Variants in FRMD4A observed in about 807,000 individuals in gnomAD.
The protein encoded by FRMD4A is FERM domain containing 4A, also known as FERM domain-containing protein 4A.
A neutral mutation model predicts 129.1 loss-of-function variants in FRMD4A; 29 were observed. That is an observed-to-expected ratio of 0.22 (90% CI 0.17 to 0.31). FRMD4A has a LOEUF of 0.31. Ranked by LOEUF, FRMD4A falls within the 10% of genes least tolerant of loss-of-function variation. The pLI is 1.00. For synonymous variants in FRMD4A, 634 were observed against 571.6 expected (o/e 1.11, Z -1.56); for missense variants, 1,272 against 1,375.8 (o/e 0.92, Z 1.19).
chr10:13,902,440 G>C (rs2094830043), intron 2 of FRMD4A, among the ~76,000 whole-genome samples: 1 of 128,978 alleles, frequency 7.8e-6, no homozygotes. Flanking sequence ...GGAAATTGAT[G>C]GTTAGGCAAA....
intron 2 of FRMD4A, among the ~76,000 whole-genome samples, chr10:13,982,459 A>G (rs1196990893): frequency 9.6e-6 from 1 of 103,630 alleles, no homozygotes; most frequent in Non-Finnish European, 1.9e-5. Context: ...CTTCAGCCTG[A>G]GAAGGGAAGG....
In FRMD4A at chr10:13,899,931, C is replaced by T. The variant is rs557372821; in HGVS notation, c.46-41019G>A. ...CGTTCCATCAGTTCCTAACCTGCAC[C>T]ATATGGACATAGCTTTACATTCCAT... is the stretch of plus-strand genomic sequence containing the variant. On this transcript the variant is annotated intron_variant, in intron 2 of 24. Coordinates refer to ENST00000357447, the MANE Select transcript of FRMD4A (RefSeq NM_018027.5). 8.5e-5 allele frequency among the ~76,000 whole-genome samples: 13 copies of T among 152,264 alleles called. No individual in the cohort carries two copies. The East Asian group carries it at 2.1e-3, about 25-fold the overall frequency.
intron 2 of FRMD4A, among the ~76,000 whole-genome samples, chr10:13,929,303 T>C (rs2095168532): frequency 6.6e-6 from 1 of 152,338 alleles, no homozygotes; most frequent in Non-Finnish European, 1.5e-5. Flanking sequence ...TTGCCGTGTG[T>C]TCTCCAGGCT....
intron 2 of FRMD4A, among the ~76,000 whole-genome samples, chr10:13,887,966 A>T (rs1336368903): frequency 1.3e-5 from 2 of 152,240 alleles, no homozygotes; most frequent in African/African-American, 4.8e-5. Flanking sequence ...ACTGCTGTGA[A>T]GAGAATTTTT....
chr10:13,652,025 GAGACACTGACAC>G (rs2081655324), intron 23 of FRMD4A, 51 bp from the exon 24 acceptor site: 1 of 959,152 alleles, frequency 1.0e-6, no homozygotes, highest in Non-Finnish European at 1.7e-6. Context: ...ATGTTACAGA[GAGACACTGACAC>G]AGACACAGAC....
chr10:14,275,763 G>T (rs1404579814), intron 2 of FRMD4A, among the ~76,000 whole-genome samples: 1 of 152,186 alleles, frequency 6.6e-6, no homozygotes, highest in Non-Finnish European at 1.5e-5. Flanking sequence ...GAGTGGCCGG[G>T]AGTGGCAGCT....
intron 2 of FRMD4A, among the ~76,000 whole-genome samples, chr10:14,207,720 G>A (rs992913119): frequency 4.1e-5 from 5 of 120,810 alleles, no homozygotes; most frequent in Non-Finnish European, 9.1e-5. Flanking sequence ...ACACACACAC[G>A]GAGGGAAGGA....
chr10:13,731,357 T>C (rs2090310808), intron 12 of FRMD4A, among the ~76,000 whole-genome samples: 2 of 152,084 alleles, frequency 1.3e-5, no homozygotes, highest in Admixed American at 6.5e-5. Context: ...TATAAAAAAT[T>C]CTACATCTTG....
chr10:14,021,837 A>G (rs1209403093), intron 2 of FRMD4A, among the ~76,000 whole-genome samples: 2 of 152,118 alleles, frequency 1.3e-5, no homozygotes, highest in Non-Finnish European at 2.9e-5. Context: ...AGTCCCTATT[A>G]TTTTTGCATC....
Position 13,956,865 on chromosome 10 carries a change from C to T in FRMD4A, c.46-97953G>A, listed in dbSNP as rs376094433. On this transcript the variant is annotated intron_variant, in intron 2 of 24. Transcript: ENST00000357447. The stretch of plus-strand genomic sequence containing the variant: ...GCTACTCCCTGGTGTTGGCCCTTAG[C>T]AAAATCCTGGGAAGGGGGAAAGTGT... 1.1e-4 allele frequency among the ~76,000 whole-genome samples: 17 copies of T among 152,308 alleles called. No homozygotes were observed. The East Asian group carries it at 1.9e-3, about 17-fold the overall frequency.
At chr10:14,026,619 C>A (rs954318612) in intron 2 of FRMD4A, among the ~76,000 whole-genome samples, 1 of 152,242 alleles carries the variant, frequency 6.6e-6, no homozygotes, top group African/African-American at 2.4e-5. Context: ...CCCTGATGGG[C>A]TAACTGAGCT....
intron 2 of FRMD4A, among the ~76,000 whole-genome samples, chr10:14,039,033 G>T (rs561147364): frequency 2.0e-5 from 3 of 152,268 alleles, no homozygotes; most frequent in African/African-American, 7.2e-5. Context: ...AGCAGCCAAA[G>T]AACTTGAATA....
intron 2 of FRMD4A, among the ~76,000 whole-genome samples, chr10:14,190,660 A>C (rs960069603): frequency 6.6e-6 from 1 of 152,256 alleles, no homozygotes; most frequent in Non-Finnish European, 1.5e-5. Flanking sequence ...TGCTGGGATT[A>C]CCGGCGTGAG....
chr10:13,656,598 T>C, intron 22 of FRMD4A, 38 bp downstream of exon 22: 1 of 1,361,124 alleles, frequency 7.3e-7, no homozygotes, highest in Non-Finnish European at 9.5e-7. Context: ...CAGTTCGCCC[T>C]CAGGTCTTCC....
At chr10:13,807,202 C>T (rs1326814060) in intron 4 of FRMD4A, among the ~76,000 whole-genome samples, 8 of 152,168 alleles carry the variant, frequency 5.3e-5, no homozygotes, top group African/African-American at 9.7e-5. Flanking sequence ...TGTATCACCA[C>T]GATTCAGATA....
chr10:13,750,993 T>G (rs772879021), intron 8 of FRMD4A, among the ~76,000 whole-genome samples: 3 of 152,212 alleles, frequency 2.0e-5, no homozygotes, highest in Non-Finnish European at 4.4e-5. Context: ...GGGATTTGAT[T>G]TATTGGTCCA....
chr10:14,095,104 GGTGA>G (rs1440362337), intron 2 of FRMD4A, among the ~76,000 whole-genome samples: 1 of 152,038 alleles, frequency 6.6e-6, no homozygotes, highest in Non-Finnish European at 1.5e-5. Flanking sequence ...GACTCTGAAG[GGTGA>G]GTTTTAACGC....
At chr10:13,835,041 C>T (rs987556233) in intron 3 of FRMD4A, among the ~76,000 whole-genome samples, 9 of 152,220 alleles carry the variant, frequency 5.9e-5, no homozygotes, top group African/African-American at 2.2e-4. Flanking sequence ...AGGGGGTGGC[C>T]GGAGATGGAG....
chr10:14,052,504 C>A (rs1398267686), intron 2 of FRMD4A, among the ~76,000 whole-genome samples: 1 of 152,070 alleles, frequency 6.6e-6, no homozygotes, highest in Admixed American at 6.6e-5. Context: ...AGAAGGGGAG[C>A]CAGCATGACA....
Sources: allele counts gnomAD v4.1 joint callset (sites outside exome capture counted in the v4.1 genomes callset), GRCh38; gene constraint gnomAD v4.1.1; transcripts MANE v1.5; gene names NCBI Gene and HGNC (gene_info 2026-07-23, HGNC 2026-07-21).